RAP1A: variants seen among roughly 807,000 people sequenced by gnomAD.
RAP1A encodes the protein ras-related protein Rap-1A.
In RAP1A, 6 loss-of-function variants were observed where a neutral mutation model predicts 26.4. That is an observed-to-expected ratio of 0.23 (90% confidence interval 0.12 to 0.45). The LOEUF is 0.45. Among genes scored for constraint, RAP1A ranks in the 20% least tolerant of loss-of-function variants. The pLI, the probability that RAP1A is intolerant of heterozygous loss-of-function variation, is 0.99. For synonymous variants in RAP1A, 73 were observed against 79.4 expected (o/e 0.92, Z 0.43); for missense variants, 121 against 217.2 (o/e 0.56, Z 2.78).
chr1:111,621,018 T>G lies in RAP1A; in HGVS notation c.-28+1084T>G, dbSNP rs533738191. On this transcript the variant is annotated intron_variant, in intron 1 of 7. Transcript: ENST00000369709. ...GGAGGGAAAATCATTTTGTTACTTC[T>G]TTGAAGGGAGGAGGTATAAGAAATG... is the stretch of plus-strand genomic sequence containing the variant. Among the ~76,000 whole-genome samples the G allele has an allele frequency of 6.6e-5, 10 of 152,314 alleles. No homozygotes were observed. The South Asian group carries it at 1.7e-3, about 25-fold the overall frequency.
chr1:111,577,819 C>T (rs764509528), intron 1 of RAP1A, among the ~76,000 whole-genome samples: 4 of 152,178 alleles, frequency 2.6e-5, no homozygotes, highest in African/African-American at 7.2e-5. Context: ...GAAGTAATGT[C>T]AGGCTCTATA....
chr1:111,636,286 T>C (rs1425894508), intron 1 of RAP1A, among the ~76,000 whole-genome samples: 1 of 152,122 alleles, frequency 6.6e-6, no homozygotes, highest in Non-Finnish European at 1.5e-5. Context: ...GGAAAGCCAG[T>C]AGTTAATACT....
chr1:111,665,404 A>G (rs1191596487), intron 1 of RAP1A, among the ~76,000 whole-genome samples: 1 of 152,208 alleles, frequency 6.6e-6, no homozygotes, highest in Non-Finnish European at 1.5e-5. Context: ...TCCAGAATTG[A>G]TAAACTTAGC....
chr1:111,691,669 A>C (rs549024787), intron 2 of RAP1A, among the ~76,000 whole-genome samples: 2 of 152,232 alleles, frequency 1.3e-5, no homozygotes, highest in South Asian at 4.1e-4. Flanking sequence ...TTGATGATGC[A>C]GAGAGGAGTA....
intron 1 of RAP1A, among the ~76,000 whole-genome samples, chr1:111,658,730 G>A (rs933691650): frequency 6.6e-6 from 1 of 152,154 alleles, no homozygotes; most frequent in Non-Finnish European, 1.5e-5. Context: ...GTACCTGGCT[G>A]TATTCTGTAA....
chr1:111,613,585 C>T (rs11102315), intron 1 of RAP1A, among the ~76,000 whole-genome samples: 22,838 of 152,046 alleles, frequency 0.15, 1,829 homozygotes, highest in African/African-American at 0.2. Context: ...CAGTAAGTGG[C>T]CAACATGATA....
chr1:111,629,044 C>T (rs1473626983), intron 1 of RAP1A, among the ~76,000 whole-genome samples: 1 of 152,082 alleles, frequency 6.6e-6, no homozygotes, highest in Non-Finnish European at 1.5e-5. Context: ...CCTTAAAACT[C>T]TTCACTGTAA....
chr1:111,642,786 CTTTTTTTTT>C (rs11414021), intron 1 of RAP1A, among the ~76,000 whole-genome samples: 1 of 119,496 alleles, frequency 8.4e-6, no homozygotes, highest in African/African-American at 3.2e-5. Flanking sequence ...CGTGCCCAGC[CTTTTTTTTT>C]TTTTTTTTGA....
At chr1:111,673,124 A>G (rs978093378) in intron 1 of RAP1A, among the ~76,000 whole-genome samples, 1 of 152,184 alleles carries the variant, frequency 6.6e-6, no homozygotes, top group Non-Finnish European at 1.5e-5. Flanking sequence ...CAAAAAGTAC[A>G]GTTTTTCTTA....
At chr1:111,692,501 C>T (rs1661700573) in intron 2 of RAP1A, among the ~76,000 whole-genome samples, 2 of 152,132 alleles carry the variant, frequency 1.3e-5, no homozygotes, top group African/African-American at 4.8e-5. Flanking sequence ...CAGCGATTCC[C>T]TCTCTAAAAA....
At chr1:111,705,228 T>A (rs1157865112) in intron 6 of RAP1A, among the ~76,000 whole-genome samples, 2 of 152,160 alleles carry the variant, frequency 1.3e-5, no homozygotes, top group African/African-American at 4.8e-5. Flanking sequence ...ATAAGCCTTT[T>A]AAAAAAATAA....
intron 4 of RAP1A, among the ~76,000 whole-genome samples, chr1:111,698,366 TCAAA>T (rs1395225384): frequency 6.6e-6 from 1 of 152,146 alleles, no homozygotes; most frequent in Non-Finnish European, 1.5e-5. Context: ...TCTCCTGGGC[TCAAA>T]CAGTCTTCCT....
chr1:111,566,904 C>A (rs1657930301), intron 1 of RAP1A, among the ~76,000 whole-genome samples: 1 of 145,416 alleles, frequency 6.9e-6, no homozygotes, highest in South Asian at 2.1e-4. Flanking sequence ...GAGGAAGGGT[C>A]TCTTTAAGTA....
chr1:111,636,501 G>A (rs74565689), intron 1 of RAP1A, among the ~76,000 whole-genome samples: 1 of 148,654 alleles, frequency 6.7e-6, no homozygotes, highest in African/African-American at 2.5e-5. Flanking sequence ...TTTTTTTTTG[G>A]AGACGGAGTT....
chr1:111,649,231 C>CCAGGT, intron 1 of RAP1A: 1 of 485,304 alleles, frequency 2.1e-6, no homozygotes. Flanking sequence ...CCCTTCTTCT[C>CCAGGT]CAGGTGCTCC....
At position 111,716,365 on chromosome 1, in the gene RAP1A, C is replaced by G. The variant is rs1160349788; in HGVS notation, c.*3964C>G. ...GACATTTCTTTGATCCTGGATTTTACTGCAGTTTCATCATGGGTTTGTTGA... is the reference window on the plus strand; with the variant it reads ...GACATTTCTTTGATCCTGGATTTTAGTGCAGTTTCATCATGGGTTTGTTGA... On this transcript the variant is annotated 3_prime_UTR_variant, in exon 8 of 8. Coordinates refer to ENST00000369709, the MANE Select transcript of RAP1A (RefSeq NM_002884.4). The G allele has an allele frequency of 2.0e-5, 3 of 152,332 alleles. No homozygotes were observed. The East Asian group carries it at 5.8e-4, about 29-fold the overall frequency. The allele number at this position is 152,332 out of a possible 1,614,324, so 9.4% of individuals were successfully genotyped here.
At chr1:111,546,532 T>C (rs935531282) in intron 1 of RAP1A, among the ~76,000 whole-genome samples, 13 of 152,208 alleles carry the variant, frequency 8.5e-5, no homozygotes, top group Non-Finnish European at 1.5e-4. Context: ...CTTGTCCTTT[T>C]GTGACTGCCT....
chr1:111,711,366 T>C (rs1001033140), intron 7 of RAP1A, among the ~76,000 whole-genome samples: 1 of 152,220 alleles, frequency 6.6e-6, no homozygotes, highest in Non-Finnish European at 1.5e-5. Context: ...TTTTAGCTTA[T>C]GTTAAAGGAA....
intron 1 of RAP1A, among the ~76,000 whole-genome samples, chr1:111,642,723 G>A (rs1248831721): frequency 3.3e-5 from 5 of 150,744 alleles, no homozygotes; most frequent in African/African-American, 4.9e-5. Flanking sequence ...TCCTGACCTC[G>A]TGATCCACCC....
Sources: allele counts gnomAD v4.1 joint callset (sites outside exome capture counted in the v4.1 genomes callset), GRCh38; gene constraint gnomAD v4.1.1; transcripts MANE v1.5; gene names NCBI Gene and HGNC (gene_info 2026-07-23, HGNC 2026-07-21).